Variants in LMO3 observed in about 807,000 individuals in gnomAD.
LMO3 encodes the protein LIM domain only protein 3.
Under a neutral mutation model 15.8 loss-of-function variants are expected in LMO3, and 2 were observed. That is an observed-to-expected ratio of 0.13 (90% confidence interval 0.05 to 0.40). The LOEUF (loss-of-function observed/expected upper bound fraction) is 0.40, where lower values mean the gene tolerates loss of function less well. LMO3 is among the 10% of genes least tolerant of loss of function. The pLI, the probability that LMO3 is intolerant of heterozygous loss-of-function variation, is 0.99. For synonymous variants in LMO3, 62 were observed against 63.8 expected, an observed-to-expected ratio of 0.97 and a Z score of 0.13; for missense variants, 86 against 182.2, an observed-to-expected ratio of 0.47 and a Z score of 3.04.
intron 2 of LMO3, among the ~76,000 whole-genome samples, chr12:16,579,391 T>A (rs1223546599): frequency 6.6e-6 from 1 of 152,184 alleles, no homozygotes; most frequent in African/African-American, 2.4e-5. Flanking sequence ...ATGCCACTGA[T>A]GAGAAACAAT....
At chr12:16,561,816 T>A (rs1942416240) in intron 2 of LMO3, among the ~76,000 whole-genome samples, 1 of 152,228 alleles carries the variant, frequency 6.6e-6, no homozygotes, top group Non-Finnish European at 1.5e-5. Flanking sequence ...GCTCATATTT[T>A]TGTTGGATTG....
chr12:16,564,610 C>T (rs1942526298), intron 2 of LMO3, among the ~76,000 whole-genome samples: 1 of 152,102 alleles, frequency 6.6e-6, no homozygotes, highest in Non-Finnish European at 1.5e-5. Context: ...TTAACCAGGT[C>T]AGTGGCTCAA....
chr12:16,554,731 C>T (rs1307506578), intron 3 of LMO3, among the ~76,000 whole-genome samples: 1 of 152,136 alleles, frequency 6.6e-6, no homozygotes, highest in Non-Finnish European at 1.5e-5. Context: ...AGAGGGAGAC[C>T]AGATTCGCTC....
rs1180806791 is a variant in LMO3 at position 16,555,964 on chromosome 12, T to C, written c.332+4449A>G. Reference sequence around the variant, plus strand: ...GAAGGATGGCTCTCTCTTCCCTCAGTATAGCTCTATTTAGCATCGATTACA... The same window carrying C: ...GAAGGATGGCTCTCTCTTCCCTCAGCATAGCTCTATTTAGCATCGATTACA... On this transcript the variant is annotated intron_variant, in intron 3 of 3. Coordinates refer to ENST00000537304, the MANE Select transcript of LMO3 (RefSeq NM_018640.5). This position sits in a 1 kb window ranked among gnomAD's most constrained non-coding sequence, Gnocchi z 5.5. Among the ~76,000 whole-genome samples the C allele has an allele frequency of 2.0e-5, 3 of 152,148 alleles. No individual in the cohort carries two copies. The highest frequency in any genetic ancestry group is 4.4e-5 in the Non-Finnish European group (3 of 68,016).
At chr12:16,568,175 A>G (rs998880354) in intron 2 of LMO3, among the ~76,000 whole-genome samples, 1 of 152,198 alleles carries the variant, frequency 6.6e-6, no homozygotes, top group Non-Finnish European at 1.5e-5. Context: ...CTGATTTCCC[A>G]TTAGAACTAC....
rs1213726259 is a variant in LMO3, at chr12:16,560,266, G to C, written c.332+147C>G. ...AGACCTTTCTTCTCCTTAGTAGCTT[G>C]TCTCTGGCATGGGATTAAAGTTTAC... On this transcript the variant is annotated intron_variant, in intron 3 of 3. Coordinates refer to ENST00000537304, the MANE Select transcript of LMO3 (RefSeq NM_018640.5). This position sits in a 1 kb window ranked among gnomAD's most constrained non-coding sequence, Gnocchi z 5.0. 1.3e-6 allele frequency: 1 copy of C among 777,054 alleles called. No homozygotes were observed. Among genetic ancestry groups the C allele is most frequent in the Non-Finnish European group, 1.9e-6 (1 of 520,958 alleles). The allele number at this position is 777,054 out of a possible 1,614,324, so 48.1% of individuals were successfully genotyped here. A position where few individuals can be genotyped will look rare whatever the true frequency, so the allele number is the denominator to read the frequency against.
intron 2 of LMO3, among the ~76,000 whole-genome samples, chr12:16,595,059 G>A (rs1203798498): frequency 6.6e-6 from 1 of 151,464 alleles, no homozygotes; most frequent in African/African-American, 2.4e-5. Context: ...AAATACACTT[G>A]TAGAAACAGA....
rs3214385 is a variant in LMO3 at position 16,560,553 on chromosome 12, ATT to A, written c.207-17_207-16del. Reference sequence around the variant, plus strand: ...CACCAAAGAGCCTAGAATAAGAAACATTTTTTTTTTTTTACAAACTCTTACAG... The same window carrying A: ...CACCAAAGAGCCTAGAATAAGAAACATTTTTTTTTTTACAAACTCTTACAG... On this transcript the variant is annotated splice_polypyrimidine_tract_variant and intron_variant, in intron 2 of 3. Coordinates refer to ENST00000537304, the MANE Select transcript of LMO3 (RefSeq NM_018640.5). The surrounding 1 kb of genome is among the most constrained non-coding windows in gnomAD (Gnocchi z 5.0). 988 of 1,410,370 alleles carry A rather than the reference ATT, an allele frequency of 7.0e-4. No homozygotes were observed. The African/African-American group carries it at 8.1e-3, about 12-fold the overall frequency. 87.4% of individuals were successfully genotyped at this position (1,410,370 alleles called of 1,614,324 possible).
At chr12:16,564,585 T>A (rs1942524948) in intron 2 of LMO3, among the ~76,000 whole-genome samples, 1 of 152,182 alleles carries the variant, frequency 6.6e-6, no homozygotes, top group African/African-American at 2.4e-5. Context: ...GCACCAGATG[T>A]TTCTATAGAT....
Position 16,560,700 on chromosome 12 carries a change from C to A in LMO3, c.207-162G>T. 1 of 659,300 alleles carries A rather than the reference C, an allele frequency of 1.5e-6. No individual in the cohort carries two copies. The highest frequency in any genetic ancestry group is 2.6e-6 in the Non-Finnish European group (1 of 379,828). 40.8% of individuals were successfully genotyped at this position (659,300 alleles called of 1,614,324 possible). ...AGGTGTATGCATAAATATTCTTCTG[C>A]AATATATTCTCCGTTGACCTTCCTT... On this transcript the variant is annotated intron_variant, in intron 2 of 3. Transcript: ENST00000537304. This position sits in a 1 kb window ranked among gnomAD's most constrained non-coding sequence, Gnocchi z 5.0.
rs1942313839 is a variant in LMO3, at chr12:16,559,563, A to AATTG, written c.332+846_332+849dup. On this transcript the variant is annotated intron_variant, in intron 3 of 3. Transcript: ENST00000537304. The surrounding 1 kb of genome is among the most constrained non-coding windows in gnomAD (Gnocchi z 4.1). The stretch of plus-strand genomic sequence containing the variant: ...TCAAATGCTCCTCTCCAATGATAAT[A>AATTG]ATTGTTTAATTATTAGCTATATCTG... Among the ~76,000 whole-genome samples, 1 of 152,180 alleles carries AATTG rather than the reference A, an allele frequency of 6.6e-6. No individual in the cohort carries two copies. The highest frequency in any genetic ancestry group is 1.5e-5 in the Non-Finnish European group (1 of 68,034).
rs142558400 is a variant in LMO3 at position 16,555,424 on chromosome 12, T to G, written c.333-4097A>C. On this transcript the variant is annotated intron_variant, in intron 3 of 3. Transcript: ENST00000537304. This position sits in a 1 kb window ranked among gnomAD's most constrained non-coding sequence, Gnocchi z 5.5. ...GGTTTGCCATTATAGTCAGCAGTTC[T>G]GCGGTAAATGACCACGAGTTATATT... is the stretch of plus-strand genomic sequence containing the variant. Among the ~76,000 whole-genome samples, 1,035 of 152,324 alleles carry G rather than the reference T, an allele frequency of 6.8e-3. 17 individuals are homozygous for G. Among genetic ancestry groups the G allele is most frequent in the African/African-American group, 0.024 (986 of 41,580 alleles).
chr12:16,552,514 G>C (rs1037982404), intron 3 of LMO3, among the ~76,000 whole-genome samples: 2 of 152,010 alleles, frequency 1.3e-5, no homozygotes, highest in African/African-American at 2.4e-5. Context: ...GACAAACAGT[G>C]AACCTATTTT....
intron 2 of LMO3, among the ~76,000 whole-genome samples, chr12:16,580,331 T>C (rs1183360233): frequency 6.6e-6 from 1 of 152,120 alleles, no homozygotes; most frequent in Non-Finnish European, 1.5e-5. Flanking sequence ...AATAGAAGGA[T>C]CAAGAGCAAA....
rs948148004 is a variant in LMO3 at position 16,580,425 on chromosome 12, G to A, written c.207-19887C>T. 7.9e-5 allele frequency among the ~76,000 whole-genome samples: 12 copies of A among 152,226 alleles called. No homozygotes were observed. The East Asian group carries it at 2.3e-3, about 29-fold the overall frequency. Reference sequence around the variant, plus strand: ...TCTATGGTCTCTTTAATAAGTGAATGTCATGAAAATGACAATGTTCAAGAT... The same window carrying A: ...TCTATGGTCTCTTTAATAAGTGAATATCATGAAAATGACAATGTTCAAGAT... On this transcript the variant is annotated intron_variant, in intron 2 of 3. Transcript: ENST00000537304.
In LMO3 at chr12:16,603,844, A is replaced by T. The variant is rs979202942; in HGVS notation, c.-9+2222T>A. Among the ~76,000 whole-genome samples, 5 of 152,200 alleles carry T rather than the reference A, an allele frequency of 3.3e-5. No individual in the cohort carries two copies. Among genetic ancestry groups the T allele is most frequent in the Admixed American group, 1.3e-4 (2 of 15,280 alleles). On this transcript the variant is annotated intron_variant, in intron 1 of 3. Coordinates refer to ENST00000537304, the MANE Select transcript of LMO3 (RefSeq NM_018640.5). The surrounding 1 kb of genome is among the most constrained non-coding windows in gnomAD (Gnocchi z 4.9). ...TCCACAACACACAGGGGTTTAAAAA[A>T]AATAATAATAATGAAAGATTTGCAG...
rs944902031 is a variant in LMO3, at chr12:16,598,347, T to C, written c.206+2308A>G. On this transcript the variant is annotated intron_variant, in intron 2 of 3. Transcript: ENST00000537304. This position sits in a 1 kb window ranked among gnomAD's most constrained non-coding sequence, Gnocchi z 4.3. ...AAGTCACATTATATACAACAAACTT[T>C]CAGTTTAAATAAGGGACAAGATTGC... 6.6e-6 allele frequency: 1 copy of C among 152,076 alleles called. No individual in the cohort carries two copies. Among genetic ancestry groups the C allele is most frequent in the Non-Finnish European group, 1.5e-5 (1 of 67,978 alleles). 9.4% of individuals were successfully genotyped at this position (152,076 alleles called of 1,614,324 possible).
chr12:16,592,890 T>C (rs1943537137), intron 2 of LMO3, among the ~76,000 whole-genome samples: 1 of 151,830 alleles, frequency 6.6e-6, no homozygotes, highest in East Asian at 1.9e-4. Context: ...TAAATAAACA[T>C]CTCTGTTAGA....
rs1021749401 is a variant in LMO3 at position 16,600,602 on chromosome 12, A to T, written c.206+53T>A. 3.4e-6 allele frequency: 5 copies of T among 1,477,772 alleles called. No individual in the cohort carries two copies. In the African/African-American group the frequency reaches 7.0e-5, roughly 21 times the overall value. 91.5% of individuals were successfully genotyped at this position (1,477,772 alleles called of 1,614,324 possible). ...CAAGCAAACAAAAAATACACTTACA[A>T]AAGTACTTTAAAAGGCATCCAGTCA... is the stretch of plus-strand genomic sequence containing the variant. On this transcript the variant is annotated intron_variant, in intron 2 of 3. Coordinates refer to ENST00000537304, the MANE Select transcript of LMO3 (RefSeq NM_018640.5).
Sources: gnomAD v4.1 joint callset for allele counts (sites outside exome capture counted in the v4.1 genomes callset) on GRCh38, gnomAD v4.1.1 for gene constraint, Gnocchi (gnomAD v3.1) non-coding constraint, MANE v1.5 for transcripts, NCBI Gene and HGNC (gene_info 2026-07-23, HGNC 2026-07-21) for gene names.